The following LIN7A variants were observed in gnomAD, a reference collection of about 807,000 sequenced individuals.
The protein encoded by LIN7A is protein lin-7 homolog A.
LIN7A carries 25 observed loss-of-function variants against 29.8 expected under a neutral mutation model. That is an observed-to-expected ratio of 0.84 (90% CI 0.61 to 1.17). LIN7A has a LOEUF of 1.17. Among genes scored for constraint, LIN7A ranks in the 50% most tolerant of loss-of-function variants. The probability of loss-of-function intolerance (pLI) is 0.00; values close to 1 mark genes in which losing one functional copy is unlikely to be tolerated. For synonymous variants in LIN7A, 118 were observed against 107.5 expected (o/e 1.10, Z -0.60); for missense variants, 239 against 287.0 (o/e 0.83, Z 1.21).
At chr12:80,921,012 C>T (rs1877273052) in intron 1 of LIN7A, among the ~76,000 whole-genome samples, 1 of 152,176 alleles carries the variant, frequency 6.6e-6, no homozygotes. Context: ...TTAGCTCCAG[C>T]TGTGGTATGG....
intron 2 of LIN7A, among the ~76,000 whole-genome samples, chr12:80,852,531 A>G (rs552058808): frequency 5.3e-4 from 81 of 152,308 alleles, no homozygotes; most frequent in Non-Finnish European, 9.1e-4. Context: ...GACTTCACAA[A>G]CCATAACCCA....
intron 2 of LIN7A, among the ~76,000 whole-genome samples, chr12:80,882,624 C>A (rs934937737): frequency 6.6e-6 from 1 of 152,100 alleles, no homozygotes; most frequent in African/African-American, 2.4e-5. Context: ...TTATGTTTTT[C>A]TTGACTTATT....
intron 1 of LIN7A, 172 bp downstream of exon 1, chr12:80,937,469 A>T (rs1878301580): frequency 2.4e-6 from 1 of 418,456 alleles, no homozygotes; most frequent in Admixed American, 4.4e-5. Context: ...CGTAGCGGGG[A>T]GAGAAAGGGG....
At position 80,811,478 on chromosome 12, in the gene LIN7A, T is replaced by C. The variant is rs1182468813; in HGVS notation, c.689A>G (p.Asn230Ser). The change falls in exon 5 of 6, where the codon AAC becomes AGC. Residue 230 changes from asparagine (N) to serine (S), a missense_variant. Asn to Ser is a conservative substitution (Grantham distance 46). Coordinates refer to ENST00000552864, the MANE Select transcript of LIN7A (RefSeq NM_004664.4). ...GTCACTTCTCACCTATGACATGTGG[T>C]TTTGTTGTGTTTGTTGCTGCTGCTG... ...QQQQQQQTQQNHMS is the reference protein window; with the variant it reads ...QQQQQQQTQQSHMS The C allele has an allele frequency of 7.0e-7, 1 of 1,435,578 alleles. No individual in the cohort carries two copies. Among genetic ancestry groups the C allele is most frequent in the Non-Finnish European group, 9.7e-7 (1 of 1,032,278 alleles). The allele number at this position is 1,435,578 out of a possible 1,614,324, so 88.9% of individuals were successfully genotyped here.
chr12:80,899,802 T>G (rs1876110817), intron 1 of LIN7A, among the ~76,000 whole-genome samples: 1 of 136,120 alleles, frequency 7.3e-6, no homozygotes, highest in Admixed American at 7.9e-5. Context: ...CGAGTCTCGC[T>G]CTGTTGCCCA....
intron 1 of LIN7A, chr12:80,936,957 G>A (rs1172579447): frequency 4.6e-5 from 7 of 152,192 alleles, no homozygotes; most frequent in Admixed American, 4.6e-4. Flanking sequence ...GCCGGCGGCG[G>A]GAGCAGACGC....
chr12:80,815,249 G>A (rs891905461), intron 4 of LIN7A, among the ~76,000 whole-genome samples: 1 of 152,120 alleles, frequency 6.6e-6, no homozygotes, highest in South Asian at 2.1e-4. Flanking sequence ...TAAGAATAAG[G>A]CAGTTTTCTC....
At position 80,819,221 on chromosome 12, in the gene LIN7A, A is replaced by G. The variant is rs75241844; in HGVS notation, c.484-7538T>C. Among the ~76,000 whole-genome samples, 60 of 152,328 alleles carry G rather than the reference A, an allele frequency of 3.9e-4. 2 individuals are homozygous for G. The East Asian group carries it at 0.011, about 29-fold the overall frequency. Reference sequence around the variant, plus strand: ...ATAAATTAAACCATCCTAAATATGTATGCACAGTAAAGGAAAAAATGTAGT... The same window carrying G: ...ATAAATTAAACCATCCTAAATATGTGTGCACAGTAAAGGAAAAAATGTAGT... On this transcript the variant is annotated intron_variant, in intron 4 of 5. Coordinates refer to ENST00000552864, the MANE Select transcript of LIN7A (RefSeq NM_004664.4).
chr12:80,825,454 G>A (rs1425837729), intron 4 of LIN7A, among the ~76,000 whole-genome samples: 1 of 152,188 alleles, frequency 6.6e-6, no homozygotes, highest in Non-Finnish European at 1.5e-5. Context: ...GCAGTGTTGT[G>A]TACTGGGATA....
chr12:80,845,068 C>T (rs1873000497), intron 4 of LIN7A, among the ~76,000 whole-genome samples: 1 of 151,870 alleles, frequency 6.6e-6, no homozygotes, highest in Non-Finnish European at 1.5e-5. Context: ...GAAACCTCAT[C>T]TCTACTAAAA....
intron 4 of LIN7A, among the ~76,000 whole-genome samples, chr12:80,823,288 CT>C (rs1253282715): frequency 6.6e-6 from 1 of 152,188 alleles, no homozygotes; most frequent in Admixed American, 6.5e-5. Flanking sequence ...GAGCTACGGC[CT>C]TTTGGGGAGC....
chr12:80,865,549 A>G (rs970976438), intron 2 of LIN7A, among the ~76,000 whole-genome samples: 4 of 152,210 alleles, frequency 2.6e-5, no homozygotes, highest in African/African-American at 7.2e-5. Context: ...CAGCTGTCAT[A>G]TTAGACAACA....
intron 2 of LIN7A, among the ~76,000 whole-genome samples, chr12:80,859,959 G>A (rs1873781673): frequency 6.6e-6 from 1 of 151,940 alleles, no homozygotes; most frequent in South Asian, 2.1e-4. Context: ...ATTATGACAT[G>A]TGAGTACATA....
chr12:80,927,527 C>A (rs141912658), intron 1 of LIN7A, among the ~76,000 whole-genome samples: 131 of 152,220 alleles, frequency 8.6e-4, no homozygotes, highest in African/African-American at 2.8e-3. Flanking sequence ...GATAGAACTG[C>A]CTTTAAAAAG....
At chr12:80,867,180 C>T (rs11612639) in intron 2 of LIN7A, among the ~76,000 whole-genome samples, 16,995 of 152,090 alleles carry the variant, frequency 0.11, 1,042 homozygotes, top group Middle Eastern at 0.21. Flanking sequence ...CTCCTGGCCT[C>T]AAGCGATCCT....
chr12:80,848,312 T>C lies in LIN7A; in HGVS notation c.212A>G (p.Tyr71Cys), dbSNP rs769635987. 1.9e-6 allele frequency: 3 copies of C among 1,608,148 alleles called. No homozygotes were observed. The highest frequency in any genetic ancestry group is 3.3e-5 in the Admixed American group (2 of 59,978). Residue 71 changes from tyrosine to cysteine, a missense_variant, in exon 3 of 6, where the codon TAT becomes TGT. Coordinates refer to ENST00000552864, the MANE Select transcript of LIN7A (RefSeq NM_004664.4). Reference sequence around the variant, plus strand: ...ATTAACAGTTATCGTTTCATGCATATATTGATACACCTAAAATGTTCACAT... The same window carrying C: ...ATTAACAGTTATCGTTTCATGCATACATTGATACACCTAAAATGTTCACAT... The part of the protein sequence containing the change: ...FCTAIREVYQ[Y>C]MHETITVNGC...
chr12:80,811,412 TGTGTG>T, intron 5 of LIN7A, 48 bp downstream of exon 5: 2 of 705,986 alleles, frequency 2.8e-6, no homozygotes, highest in Non-Finnish European at 5.2e-6. Flanking sequence ...TACATATATG[TGTGTG>T]TGTATATATA....
intron 1 of LIN7A, among the ~76,000 whole-genome samples, chr12:80,898,690 A>T (rs1876038654): frequency 6.6e-6 from 1 of 152,010 alleles, no homozygotes; most frequent in Admixed American, 6.6e-5. Flanking sequence ...GATTGTAAAG[A>T]TCTTTTTGCC....
intron 2 of LIN7A, among the ~76,000 whole-genome samples, chr12:80,851,014 G>A (rs921767812): frequency 6.6e-6 from 1 of 152,124 alleles, no homozygotes; most frequent in Non-Finnish European, 1.5e-5. Context: ...CTAATTTGTT[G>A]CAGATTTGAT....
Sources: gnomAD v4.1 joint callset for allele counts (sites outside exome capture counted in the v4.1 genomes callset) on GRCh38, gnomAD v4.1.1 for gene constraint, MANE v1.5 for transcripts, NCBI Gene and HGNC (gene_info 2026-07-23, HGNC 2026-07-21) for gene names.